The following DNAH8 variants were observed in gnomAD, a reference collection of about 807,000 sequenced individuals.
DNAH8 encodes the protein dynein axonemal heavy chain 8, also known as axonemal beta dynein heavy chain 8.
In DNAH8, 382 loss-of-function variants were observed where a neutral mutation model predicts 562.1. The ratio of observed to expected loss-of-function variants is 0.68; its 90% CI spans 0.63 to 0.74. The LOEUF is 0.74. Ranked by LOEUF, DNAH8 falls within the 30% of genes least tolerant of loss-of-function variation. DNAH8 has a pLI of 0.00. For missense variants in DNAH8, 5,203 were observed against 5,620.4 expected, an observed-to-expected ratio of 0.93 and a Z score of 2.37; for synonymous variants, 1,881 against 1,919.4, an observed-to-expected ratio of 0.98 and a Z score of 0.52.
At chr6:38,960,045 G>C (rs1035612139) in intron 82 of DNAH8, among the ~76,000 whole-genome samples, 1 of 152,024 alleles carries the variant, frequency 6.6e-6, no homozygotes, top group Non-Finnish European at 1.5e-5. Flanking sequence ...AATGGTGTTG[G>C]GAAAACTGGG....
At chr6:39,000,150 C>A (rs1240950963) in intron 88 of DNAH8, among the ~76,000 whole-genome samples, 1 of 152,148 alleles carries the variant, frequency 6.6e-6, no homozygotes, top group Non-Finnish European at 1.5e-5. Context: ...TCTGGCTAAC[C>A]TGGGGATACA....
At chr6:38,747,567 A>G (rs918198064) in intron 8 of DNAH8, among the ~76,000 whole-genome samples, 1 of 151,950 alleles carries the variant, frequency 6.6e-6, no homozygotes, top group East Asian at 1.9e-4. Context: ...TTGTATGTTT[A>G]GTAGAGACAA....
At chr6:38,997,557 A>C (rs1412269) in intron 88 of DNAH8, among the ~76,000 whole-genome samples, 99,032 of 151,838 alleles carry the variant, frequency 0.65, 34,215 homozygotes, top group East Asian at 0.77. Context: ...TGGGATATAA[A>C]TGAATGGGGT....
chr6:38,917,450 C>A, intron 69 of DNAH8, 44 bp downstream of exon 69: 1 of 1,533,302 alleles, frequency 6.5e-7, no homozygotes, highest in Non-Finnish European at 9.0e-7. Context: ...CTGCATCAGG[C>A]GTCCTCAGCC....
chr6:38,766,171 A>C (rs1169855576), intron 11 of DNAH8, among the ~76,000 whole-genome samples: 3 of 112,050 alleles, frequency 2.7e-5, no homozygotes, highest in African/African-American at 9.6e-5. Flanking sequence ...GTATGGATAC[A>C]TATATATAAT....
intron 79 of DNAH8, among the ~76,000 whole-genome samples, chr6:38,940,242 A>T (rs1783329136): frequency 6.6e-6 from 1 of 152,218 alleles, no homozygotes; most frequent in Non-Finnish European, 1.5e-5. Context: ...ATGGGAATAT[A>T]CAGGGAGATA....
chr6:38,879,949 G>A (rs1380230550), intron 53 of DNAH8, among the ~76,000 whole-genome samples: 3 of 152,070 alleles, frequency 2.0e-5, no homozygotes, highest in Non-Finnish European at 4.4e-5. Flanking sequence ...AAAATAGAAC[G>A]CAAGGCTGGG....
rs755335372 is a variant in DNAH8, at chr6:38,791,613, T to G, written c.2840T>G (p.Val947Gly). The change falls in exon 21 of 93, where the codon GTG becomes GGG. Residue 947 changes from valine (V) to glycine (G), a missense_variant. By Grantham distance (109) the Val-to-Gly change is moderately radical. Coordinates refer to ENST00000327475, the MANE Select transcript of DNAH8 (RefSeq NM_001206927.2). ...GTTCTGAAGGAGATAGCCAAAACTG[T>G]GTTGATTTCTCTGCCTGAAAGTGGT... is the stretch of plus-strand genomic sequence containing the variant. ...DTVLKEIAKT[V>G]LISLPESGAT... 6.2e-7 allele frequency: 1 copy of G among 1,613,966 alleles called. No homozygotes were observed. Among genetic ancestry groups the G allele is most frequent in the Admixed American group, 1.7e-5 (1 of 60,028 alleles).
chr6:38,785,540 T>G (rs1769068260), intron 17 of DNAH8, among the ~76,000 whole-genome samples: 1 of 152,190 alleles, frequency 6.6e-6, no homozygotes, highest in Non-Finnish European at 1.5e-5. Flanking sequence ...TATTTTACTT[T>G]AAGTTCTGGG....
At chr6:38,841,141 G>A (rs1048587415) in intron 33 of DNAH8, among the ~76,000 whole-genome samples, 8 of 152,128 alleles carry the variant, frequency 5.3e-5, no homozygotes, top group African/African-American at 1.9e-4. Context: ...AGAATGGGCT[G>A]GGTGCCGTAG....
chr6:38,749,824 G>A (rs913482758), intron 8 of DNAH8, among the ~76,000 whole-genome samples: 1 of 152,052 alleles, frequency 6.6e-6, no homozygotes, highest in Admixed American at 6.6e-5. Context: ...TTTGAATAAT[G>A]TTCTTTTTTA....
At position 38,850,302 on chromosome 6, in the gene DNAH8, C is replaced by T. The variant is rs201568629; in HGVS notation, c.5251C>T (p.Arg1751Ter). 4.5e-5 allele frequency: 72 copies of T among 1,613,162 alleles called. No homozygotes were observed. The highest frequency in any genetic ancestry group is 1.6e-4 in the Middle Eastern group (1 of 6,078). Residue 1751 changes from arginine (R) to a stop codon, truncating the protein, a stop_gained, in exon 38 of 93, where the codon CGA becomes TGA. Transcript: ENST00000327475. LOFTEE classifies it high-confidence loss of function. ...CAAGTCTTGGATAAAAATAATGCAG[C>T]GAGCTCATGAGAATCCCAATGTGAT... The part of the protein sequence containing the change: ...IDKSWIKIMQ[R>*]AHENPNVINC...
chr6:38,812,730 T>C (rs971264106), intron 24 of DNAH8, among the ~76,000 whole-genome samples: 1 of 140,190 alleles, frequency 7.1e-6, no homozygotes, highest in African/African-American at 2.6e-5. Context: ...AGAGAATCTC[T>C]TGAAGATGAA....
intron 82 of DNAH8, among the ~76,000 whole-genome samples, chr6:38,969,910 G>A (rs1020788073): frequency 1.4e-4 from 21 of 152,094 alleles, no homozygotes; most frequent in Admixed American, 5.9e-4. Context: ...AGGAAGAATA[G>A]CTAGTAGAGG....
At chr6:38,938,492 G>A (rs1205220048) in intron 78 of DNAH8, among the ~76,000 whole-genome samples, 6 of 152,016 alleles carry the variant, frequency 3.9e-5, no homozygotes, top group African/African-American at 7.2e-5. Context: ...ACACAGGAAC[G>A]GAAAACCAAA....
intron 26 of DNAH8, among the ~76,000 whole-genome samples, chr6:38,818,842 C>A (rs1167119282): frequency 6.6e-6 from 1 of 152,226 alleles, no homozygotes; most frequent in Non-Finnish European, 1.5e-5. Context: ...GCTCTACACT[C>A]ATTGCTCTGG....
chr6:38,960,508 AG>A (rs776823115), intron 82 of DNAH8, among the ~76,000 whole-genome samples: 5 of 152,072 alleles, frequency 3.3e-5, no homozygotes, highest in Non-Finnish European at 7.4e-5. Context: ...AATTGCAAAA[AG>A]ATATATGAAA....
At chr6:38,916,282 C>T (rs932865705) in intron 68 of DNAH8, among the ~76,000 whole-genome samples, 1 of 152,162 alleles carries the variant, frequency 6.6e-6, no homozygotes, top group Non-Finnish European at 1.5e-5. Context: ...CGTGCCTCCA[C>T]CTCTGCTGGG....
chr6:39,001,913 G>A (rs1765513460), intron 88 of DNAH8, among the ~76,000 whole-genome samples: 1 of 151,960 alleles, frequency 6.6e-6, no homozygotes, highest in Admixed American at 6.6e-5. Context: ...GTCACGGGGA[G>A]GGGATGCTGG....
Sources: allele counts gnomAD v4.1 joint callset (sites outside exome capture counted in the v4.1 genomes callset), GRCh38; gene constraint gnomAD v4.1.1; transcripts MANE v1.5; gene names NCBI Gene and HGNC (gene_info 2026-07-23, HGNC 2026-07-21).